The following RPS18 variants were observed in gnomAD, a reference collection of about 807,000 sequenced individuals.
RPS18 encodes ribosomal protein S18.
For synonymous variants in RPS18, 64 were observed against 70.9 expected (o/e 0.90, Z 0.49); for missense variants, 49 against 200.8 (o/e 0.24, Z 4.57).
rs151191108 is a variant in RPS18, at chr6:33,273,643, G to A, written c.102+917G>A. Among the ~76,000 whole-genome samples, 1,181 of 152,288 alleles carry A rather than the reference G, an allele frequency of 7.8e-3. 16 individuals carry two copies. Among genetic ancestry groups the A allele is most frequent in the Middle Eastern group, 0.041 (12 of 294 alleles). On this transcript the variant is annotated intron_variant, in intron 2 of 5. Transcript: ENST00000439602. ...ACTTATTTCAGAGACCGGCTGTGAG[G>A]CTTAAGTAGAGGTGCAGCATTCATA...
chr6:33,272,977 A>ATGGT (rs1765338257), intron 2 of RPS18, among the ~76,000 whole-genome samples: 1 of 152,204 alleles, frequency 6.6e-6, no homozygotes, highest in Non-Finnish European at 1.5e-5. Flanking sequence ...GGGAGGAGGT[A>ATGGT]TGGTTGCTCA....
At chr6:33,273,846 G>A (rs1765448798) in intron 2 of RPS18, among the ~76,000 whole-genome samples, 1 of 152,166 alleles carries the variant, frequency 6.6e-6, no homozygotes, top group Non-Finnish European at 1.5e-5. Context: ...ATCCCCTGAG[G>A]TCAGGAGTTC....
At chr6:33,273,699 A>T (rs1053094299) in intron 2 of RPS18, among the ~76,000 whole-genome samples, 17 of 152,222 alleles carry the variant, frequency 1.1e-4, no homozygotes, top group African/African-American at 4.1e-4. Flanking sequence ...TCATGGATGT[A>T]TCTAACTAAA....
intron 1 of RPS18, 23 bp downstream of exon 1, chr6:33,272,145 G>C (rs1765227015): frequency 1.3e-6 from 2 of 1,559,576 alleles, no homozygotes; most frequent in Non-Finnish European, 1.7e-6. Context: ...TCCGTGCCGT[G>C]ATCCAGCGGC....
intron 4 of RPS18, 50 bp from the exon 5 acceptor site, chr6:33,276,126 C>A: frequency 6.2e-7 from 1 of 1,604,666 alleles, no homozygotes; most frequent in Non-Finnish European, 8.5e-7. Context: ...CAGAATTGGG[C>A]ATAGGAGGTC....
rs755948154 is a variant in RPS18, at chr6:33,272,590, A to G, written c.4-38A>G. ...TATCGGCCTTACTGTTTGATAGTTT[A>G]CTGTGTCTGATTTCTTCCCCCGTAC... On this transcript the variant is annotated intron_variant, in intron 1 of 5. Transcript: ENST00000439602. 3 of 895,310 alleles carry G rather than the reference A, an allele frequency of 3.4e-6. No individual in the cohort carries two copies. In the South Asian group the frequency reaches 3.9e-5, roughly 12 times the overall value. 55.5% of individuals were successfully genotyped at this position (895,310 alleles called of 1,614,324 possible). A position where few individuals can be genotyped will look rare whatever the true frequency, so the allele number is the denominator to read the frequency against.
chr6:33,272,599 G>C (rs1765292573), intron 1 of RPS18, 29 bp from the exon 2 acceptor site: 2 of 956,504 alleles, frequency 2.1e-6, no homozygotes, highest in Non-Finnish European at 3.5e-6. Flanking sequence ...TACTGTGTCT[G>C]ATTTCTTCCC....
At chr6:33,272,765 G>T in intron 2 of RPS18, 39 bp downstream of exon 2, 1 of 1,016,706 alleles carries the variant, frequency 9.8e-7, no homozygotes. Flanking sequence ...ATGTAAATGA[G>T]AATTGGGTTG....
At chr6:33,272,883 C>T (rs1009073918) in intron 2 of RPS18, among the ~76,000 whole-genome samples, 157 bp downstream of exon 2, 15 of 152,164 alleles carry the variant, frequency 9.9e-5, no homozygotes, top group Admixed American at 3.3e-4. Flanking sequence ...AGACTGACCC[C>T]TTTAGCATTT....
chr6:33,275,895 G>A lies in RPS18; in HGVS notation c.189+12G>A. 1 of 1,609,548 alleles carries A rather than the reference G, an allele frequency of 6.2e-7. No individual in the cohort carries two copies. ...TCACTGAGGATGAGGTGAGGACAAG[G>A]AAGGGGGCTGGGGGTGGGGTCAGCC... On this transcript the variant is annotated intron_variant, in intron 3 of 5. Coordinates refer to ENST00000439602, the MANE Select transcript of RPS18 (RefSeq NM_022551.3).
chr6:33,275,615 G>C (rs534111108), intron 2 of RPS18, 182 bp from the exon 3 acceptor site: 2 of 637,598 alleles, frequency 3.1e-6, no homozygotes, highest in Non-Finnish European at 5.7e-6. Flanking sequence ...CACTGCGACC[G>C]GCCCAAAGTT....
Position 33,272,102 on chromosome 6 carries a change from G to T in RPS18, c.-18G>T. 6.4e-7 allele frequency: 1 copy of T among 1,566,676 alleles called. No homozygotes were observed. The highest frequency in any genetic ancestry group is 8.7e-7 in the Non-Finnish European group (1 of 1,155,564). On this transcript the variant is annotated 5_prime_UTR_variant, in exon 1 of 6. Transcript: ENST00000439602. ...CTCTTCCACAGGAGGCCTACACGCC[G>T]CCGCTTGTGCTGCAGCCATGGTAAG...
chr6:33,273,224 G>A (rs1245420638), intron 2 of RPS18, among the ~76,000 whole-genome samples: 2 of 140,754 alleles, frequency 1.4e-5, no homozygotes, highest in Non-Finnish European at 3.1e-5. Flanking sequence ...ACTCAGATGA[G>A]CCATAATTGA....
In RPS18 at chr6:33,272,111, G is replaced by C. The variant is rs1220256339; in HGVS notation, c.-9G>C. On this transcript the variant is annotated 5_prime_UTR_variant, in exon 1 of 6. Transcript: ENST00000439602. ...AGGAGGCCTACACGCCGCCGCTTGT[G>C]CTGCAGCCATGGTAAGACTGGAATC... 13 of 1,568,018 alleles carry C rather than the reference G, an allele frequency of 8.3e-6. No homozygotes were observed. Among genetic ancestry groups the C allele is most frequent in the Non-Finnish European group, 1.0e-5 (12 of 1,156,352 alleles).
At chr6:33,272,868 G>C in intron 2 of RPS18, 142 bp downstream of exon 2, 1 of 660,134 alleles carries the variant, frequency 1.5e-6, no homozygotes, top group East Asian at 2.7e-5. Flanking sequence ...AAGTGGTTTA[G>C]GGAGAGACTG....
intron 2 of RPS18, among the ~76,000 whole-genome samples, chr6:33,274,292 C>A (rs552337610): frequency 6.6e-6 from 1 of 152,202 alleles, no homozygotes; most frequent in Non-Finnish European, 1.5e-5. Flanking sequence ...ACCTCCAGGG[C>A]TCAAGTCAAT....
chr6:33,272,583 A>G (rs1374851451), intron 1 of RPS18, 45 bp from the exon 2 acceptor site: 1 of 874,686 alleles, frequency 1.1e-6, no homozygotes. Flanking sequence ...TTACTGTTTG[A>G]TAGTTTACTG....
intron 2 of RPS18, among the ~76,000 whole-genome samples, chr6:33,273,897 T>TAAA (rs1182583389): frequency 2.3e-4 from 22 of 96,052 alleles, no homozygotes; most frequent in African/African-American, 1.0e-3. Flanking sequence ...CGTCATTTAA[T>TAAA]TAATAAATTT....
rs1406296628 is a variant in RPS18, at chr6:33,276,233, A to G, written c.349A>G (p.Ile117Val). 3.1e-6 allele frequency: 5 copies of G among 1,614,004 alleles called. No homozygotes were observed. Among genetic ancestry groups the G allele is most frequent in the African/African-American group, 1.3e-5 (1 of 74,878 alleles). ...LREDLERLKK[I>V]RAHRGLRHFW... is the part of the protein sequence containing the mutation. ...TGAAGACCTGGAGCGACTGAAGAAG[A>G]TTCGGGCCCATAGAGGGCTGCGTCA... Residue 117 changes from isoleucine to valine, a missense_variant, in exon 5 of 6, where the codon ATT (isoleucine) becomes GTT (valine). Transcript: ENST00000439602.
Sources: gnomAD v4.1 joint callset for allele counts (sites outside exome capture counted in the v4.1 genomes callset) on GRCh38, gnomAD v4.1.1 for gene constraint, MANE v1.5 for transcripts, NCBI Gene and HGNC (gene_info 2026-07-23, HGNC 2026-07-21) for gene names.